The following RYR1 variants were observed in gnomAD, a reference collection of about 807,000 sequenced individuals.
RYR1 encodes central core disease of muscle.
Under a neutral mutation model 583.5 loss-of-function variants are expected in RYR1, and 342 were observed. The ratio of observed to expected loss-of-function variants is 0.59; its 90% CI spans 0.54 to 0.64. The LOEUF (loss-of-function observed/expected upper bound fraction) is 0.64, where lower values mean the gene tolerates loss of function less well. Ranked by LOEUF, RYR1 falls within the 30% of genes least tolerant of loss-of-function variation. The pLI is 0.00. For missense variants in RYR1, 6,032 were observed against 6,917.2 expected, an observed-to-expected ratio of 0.87 and a Z score of 4.54; for synonymous variants, 2,791 against 2,822.5, an observed-to-expected ratio of 0.99 and a Z score of 0.35.
intron 84 of RYR1, among the ~76,000 whole-genome samples, chr19:38,541,944 C>G (rs1225236387): frequency 6.6e-6 from 1 of 151,492 alleles, no homozygotes; most frequent in Non-Finnish European, 1.5e-5. Context: ...TGGCTCACAC[C>G]TATAGTTCCA....
At chr19:38,442,488 G>A (rs772697097) in intron 3 of RYR1, 35 bp downstream of exon 3, 3 of 1,518,560 alleles carry the variant, frequency 2.0e-6, no homozygotes, top group Non-Finnish European at 2.7e-6. Context: ...CGGGGTGGCA[G>A]AGATGGGCGA....
intron 49 of RYR1, among the ~76,000 whole-genome samples, chr19:38,503,436 T>C (rs4802515): frequency 0.34 from 51,554 of 152,066 alleles, 9,425 homozygotes; most frequent in African/African-American, 0.46. Flanking sequence ...ACTCAGATAT[T>C]TTGACTATTT....
chr19:38,577,320 C>T (rs1385342291), intron 97 of RYR1, among the ~76,000 whole-genome samples: 1 of 152,156 alleles, frequency 6.6e-6, no homozygotes, highest in Non-Finnish European at 1.5e-5. Context: ...TAGGAGAACA[C>T]TAGATATGTT....
chr19:38,440,588 A>G (rs895053201), intron 1 of RYR1, among the ~76,000 whole-genome samples, 157 bp from the exon 2 acceptor site: 1 of 152,222 alleles, frequency 6.6e-6, no homozygotes. Flanking sequence ...TTGTATCTCA[A>G]GGAGTTGTCA....
intron 63 of RYR1, among the ~76,000 whole-genome samples, chr19:38,514,282 A>T (rs12610296): frequency 1.2e-3 from 163 of 139,102 alleles, no homozygotes; most frequent in Admixed American, 1.1e-3. Flanking sequence ...TTTTTTTTTA[A>T]TTTTTTTTTT....
intron 89 of RYR1, among the ~76,000 whole-genome samples, chr19:38,560,365 CAG>C (rs1474392316): frequency 6.9e-6 from 1 of 145,324 alleles, no homozygotes; most frequent in Non-Finnish European, 1.5e-5. Context: ...GACCCTGTCT[CAG>C]AAAAAAAAAA....
At chr19:38,462,599 C>G (rs567023716) in intron 20 of RYR1, among the ~76,000 whole-genome samples, 2 of 145,920 alleles carry the variant, frequency 1.4e-5, no homozygotes, top group Admixed American at 1.4e-4. Flanking sequence ...CTCTTACCCT[C>G]TGCCAGGCAT....
intron 88 of RYR1, 129 bp from the exon 89 acceptor site, chr19:38,548,104 G>A: frequency 1.0e-6 from 1 of 982,562 alleles, no homozygotes; most frequent in Non-Finnish European, 1.6e-6. Flanking sequence ...GGGACCTGTG[G>A]AGGGGAGGCT....
At chr19:38,585,129 C>A in intron 102 of RYR1, 30 bp downstream of exon 102, 1 of 1,610,212 alleles carries the variant, frequency 6.2e-7, no homozygotes, top group Non-Finnish European at 8.5e-7. Context: ...GCTCAGGGCC[C>A]GGAGGCAGGC....
intron 89 of RYR1, among the ~76,000 whole-genome samples, chr19:38,554,225 G>A (rs1311952437): frequency 4.0e-5 from 6 of 150,180 alleles, no homozygotes; most frequent in African/African-American, 1.2e-4. Flanking sequence ...GCTGAGGCAT[G>A]TGGATCACCT....
rs113460156 is a variant in RYR1 at position 38,473,772 on chromosome 19, G to A, written c.4160+1G>A. 1.3e-6 allele frequency: 2 copies of A among 1,521,138 alleles called. No individual in the cohort carries two copies. The highest frequency in any genetic ancestry group is 1.2e-5 in the South Asian group (1 of 81,872). The allele number at this position is 1,521,138 out of a possible 1,614,324, so 94.2% of individuals were successfully genotyped here. ...CCACCGAGAAGAACAAGAAGAGAGG[G>A]TGAGTCGAGGGGGGCCCAGAGTGGG... On this transcript the variant is annotated splice_donor_variant, in intron 28 of 105. Coordinates refer to ENST00000359596, the MANE Select transcript of RYR1 (RefSeq NM_000540.3). LOFTEE classifies it high-confidence loss of function.
At chr19:38,488,957 G>A (rs947951160) in intron 34 of RYR1, among the ~76,000 whole-genome samples, 2 of 152,192 alleles carry the variant, frequency 1.3e-5, no homozygotes, top group African/African-American at 2.4e-5. Context: ...TGGGTCTGTG[G>A]TCTGGGCTGT....
chr19:38,554,792 C>T (rs1360362640), intron 89 of RYR1, among the ~76,000 whole-genome samples: 1 of 152,072 alleles, frequency 6.6e-6, no homozygotes, highest in Non-Finnish European at 1.5e-5. Flanking sequence ...TTTTAGGTTA[C>T]TGATTTATTC....
At position 38,525,233 on chromosome 19, in the gene RYR1, G is replaced by A. The variant is rs1248652156; in HGVS notation, c.10456-99G>A. 2.8e-6 allele frequency: 4 copies of A among 1,409,180 alleles called. No homozygotes were observed. In the African/African-American group the frequency reaches 4.2e-5, roughly 15 times the overall value. The allele number at this position is 1,409,180 out of a possible 1,614,324, so 87.3% of individuals were successfully genotyped here. A position where few individuals can be genotyped will look rare whatever the true frequency, so the allele number is the denominator to read the frequency against. On this transcript the variant is annotated intron_variant, in intron 70 of 105. Coordinates refer to ENST00000359596, the MANE Select transcript of RYR1 (RefSeq NM_000540.3). ...TCGGCAGTTGGGGAGGGAGTGCCTGGTGTCCAGACTGGGGCCTGGGGTGTG... is the reference window on the plus strand; with the variant it reads ...TCGGCAGTTGGGGAGGGAGTGCCTGATGTCCAGACTGGGGCCTGGGGTGTG...
chr19:38,563,534 G>A (rs1223514270), intron 90 of RYR1, among the ~76,000 whole-genome samples: 1 of 152,142 alleles, frequency 6.6e-6, no homozygotes, highest in African/African-American at 2.4e-5. Flanking sequence ...CAAAGTGTTG[G>A]GATTACAGGT....
chr19:38,561,599 A>G lies in RYR1; in HGVS notation c.12624+145A>G, dbSNP rs1973146450. On this transcript the variant is annotated intron_variant, in intron 90 of 105. Coordinates refer to ENST00000359596, the MANE Select transcript of RYR1 (RefSeq NM_000540.3). This position sits in a 1 kb window ranked among gnomAD's most constrained non-coding sequence, Gnocchi z 4.8. The stretch of plus-strand genomic sequence containing the variant: ...GGCAAGCCCACGCCCACCCTTTTGT[A>G]CACATTTCGTCCAGCTGCGCCCTTG... The G allele has an allele frequency of 2.4e-5, 20 of 818,786 alleles. No individual in the cohort carries two copies. In the South Asian group the frequency reaches 3.3e-4, roughly 14 times the overall value. The allele number at this position is 818,786 out of a possible 1,614,324, so 50.7% of individuals were successfully genotyped here. A position where few individuals can be genotyped will look rare whatever the true frequency, so the allele number is the denominator to read the frequency against.
At position 38,572,179 on chromosome 19, in the gene RYR1, G is replaced by A. The variant is rs893897931; in HGVS notation, c.13907G>A (p.Ser4636Asn). Residue 4636 changes from serine to asparagine, a missense_variant, in exon 95 of 106, where the codon AGC (serine) becomes AAC (asparagine). Coordinates refer to ENST00000359596, the MANE Select transcript of RYR1 (RefSeq NM_000540.3). Reference sequence around the variant, plus strand: ...ATGGTGTACTACTTCCTGGAGGAAAGCACAGGCTACATGGAACCCGCCCTG... The same window carrying A: ...ATGGTGTACTACTTCCTGGAGGAAAACACAGGCTACATGGAACCCGCCCTG... ...ENMVYYFLEE[S>N]TGYMEPALRC... The A allele has an allele frequency of 9.3e-6, 15 of 1,614,022 alleles. No individual in the cohort carries two copies. The highest frequency in any genetic ancestry group is 1.2e-5 in the Non-Finnish European group (14 of 1,180,010).
chr19:38,507,910 C>A, intron 58 of RYR1, 83 bp downstream of exon 58: 1 of 818,978 alleles, frequency 1.2e-6, no homozygotes, highest in Non-Finnish European at 2.2e-6. Context: ...GACACCTGTT[C>A]ATGCACTCAA....
intron 89 of RYR1, among the ~76,000 whole-genome samples, chr19:38,548,803 A>T (rs893723402): frequency 6.6e-6 from 1 of 151,974 alleles, no homozygotes. Flanking sequence ...GCTCCTCTTG[A>T]ACTCTTGGGC....
Sources: allele counts gnomAD v4.1 joint callset (sites outside exome capture counted in the v4.1 genomes callset), GRCh38; gene constraint gnomAD v4.1.1; non-coding constraint Gnocchi (gnomAD v3.1); transcripts MANE v1.5; gene names NCBI Gene and HGNC (gene_info 2026-07-23, HGNC 2026-07-21).